Variants in NELL2 observed in about 807,000 individuals in gnomAD.
The protein encoded by NELL2 is neural EGFL like 2, also known as protein kinase C-binding protein NELL2.
A neutral mutation model predicts 109.6 loss-of-function variants in NELL2; 41 were observed. The observed-to-expected ratio is 0.37, with a 90% confidence interval of 0.29 to 0.49. NELL2 has a LOEUF of 0.49. Ranked by LOEUF, NELL2 falls within the 20% of genes least tolerant of loss-of-function variation. The probability of loss-of-function intolerance (pLI) is 0.98; values close to 1 mark genes in which losing one functional copy is unlikely to be tolerated. For synonymous variants in NELL2, 355 were observed against 344.7 expected, an observed-to-expected ratio of 1.03 and a Z score of -0.33; for missense variants, 900 against 1,008.3, an observed-to-expected ratio of 0.89 and a Z score of 1.45.
chr12:44,665,371 T>TA (rs1428805692), intron 13 of NELL2, 113 bp downstream of exon 13: 7 of 857,302 alleles, frequency 8.2e-6, no homozygotes, highest in Non-Finnish European at 1.2e-5. Context: ...ATGATTTTGC[T>TA]AATGTTTTGT....
At chr12:44,586,184 T>A (rs1944490307) in intron 15 of NELL2, among the ~76,000 whole-genome samples, 1 of 148,614 alleles carries the variant, frequency 6.7e-6, no homozygotes, top group African/African-American at 2.4e-5. Flanking sequence ...TATATGTATA[T>A]ATAGATATAT....
chr12:44,917,478 T>C (rs1017507732), upstream of NELL2, among the ~76,000 whole-genome samples: 2 of 152,238 alleles, frequency 1.3e-5, no homozygotes, highest in African/African-American at 4.8e-5. Context: ...AGTGCTATCA[T>C]GTCTTCCTGA....
chr12:44,708,161 C>A (rs1937991061), intron 11 of NELL2, among the ~76,000 whole-genome samples: 1 of 152,156 alleles, frequency 6.6e-6, no homozygotes, highest in Non-Finnish European at 1.5e-5. Flanking sequence ...CAGTCTCTGT[C>A]ATGTGGTAAT....
intron 2 of NELL2, among the ~76,000 whole-genome samples, chr12:44,820,120 C>T (rs1157836857): frequency 1.3e-5 from 2 of 152,152 alleles, no homozygotes; most frequent in Non-Finnish European, 1.5e-5. Flanking sequence ...TCACAGTTTT[C>T]GGTTCTCTGT....
intron 13 of NELL2, among the ~76,000 whole-genome samples, chr12:44,624,789 GTCTTCTAACTTGGTCTCTGCAT>G (rs1315545064): frequency 6.6e-6 from 1 of 150,882 alleles, no homozygotes; most frequent in Non-Finnish European, 1.5e-5. Flanking sequence ...CTGCTTCTCT[GTCTTCTAACTTGGTCTCTGCAT>G]TCTCCATCCT....
At chr12:44,835,460 C>T (rs567808006) in intron 2 of NELL2, among the ~76,000 whole-genome samples, 1 of 152,284 alleles carries the variant, frequency 6.6e-6, no homozygotes, top group East Asian at 1.9e-4. Context: ...GGCCAAGTGT[C>T]CACTCCAGAG....
intron 9 of NELL2, among the ~76,000 whole-genome samples, chr12:44,771,453 T>C (rs577311349): frequency 5.9e-5 from 9 of 152,304 alleles, no homozygotes; most frequent in Non-Finnish European, 8.8e-5. Flanking sequence ...ATTCTCCTTA[T>C]TAGGAAGATG....
In NELL2 at chr12:44,833,520, T is replaced by C. The variant is rs559635769; in HGVS notation, c.185-17384A>G. Among the ~76,000 whole-genome samples the C allele has an allele frequency of 4.6e-5, 7 of 152,124 alleles. No individual in the cohort carries two copies. In the East Asian group the frequency reaches 1.4e-3, roughly 29 times the overall value. ...TCTCCTTAAGGACAAAACTGTGTACTATACCTCTCTTCTACCCCAATAACT... is the reference window on the plus strand; with the variant it reads ...TCTCCTTAAGGACAAAACTGTGTACCATACCTCTCTTCTACCCCAATAACT... On this transcript the variant is annotated intron_variant, in intron 2 of 19. Transcript: ENST00000429094.
intron 9 of NELL2, among the ~76,000 whole-genome samples, chr12:44,758,001 ATT>A (rs902065684): frequency 6.6e-6 from 1 of 151,828 alleles, no homozygotes; most frequent in African/African-American, 2.4e-5. Flanking sequence ...GGTAGAACAT[ATT>A]TTGTTTCATC....
At chr12:44,725,130 A>C (rs908196388) in intron 9 of NELL2, among the ~76,000 whole-genome samples, 6 of 152,206 alleles carry the variant, frequency 3.9e-5, no homozygotes, top group Admixed American at 3.9e-4. Context: ...GGATGAATTA[A>C]AGACTTAAAT....
intron 9 of NELL2, among the ~76,000 whole-genome samples, chr12:44,772,268 G>A (rs1190469664): frequency 1.3e-5 from 2 of 152,066 alleles, no homozygotes; most frequent in African/African-American, 2.4e-5. Context: ...ATGCAATGGT[G>A]ATACACACAC....
chr12:44,576,507 C>T (rs1944090683), intron 15 of NELL2, among the ~76,000 whole-genome samples: 1 of 151,568 alleles, frequency 6.6e-6, no homozygotes, highest in Non-Finnish European at 1.5e-5. Flanking sequence ...GGGGAGACAT[C>T]TATCTTATGA....
At chr12:44,516,888 T>A (rs1412193552) in intron 19 of NELL2, among the ~76,000 whole-genome samples, 2 of 148,592 alleles carry the variant, frequency 1.3e-5, no homozygotes. Flanking sequence ...GTTTTTCTAG[T>A]ATGTAGTTGT....
At chr12:44,676,101 T>C (rs564868845) in intron 12 of NELL2, among the ~76,000 whole-genome samples, 3 of 152,284 alleles carry the variant, frequency 2.0e-5, no homozygotes, top group Non-Finnish European at 2.9e-5. Flanking sequence ...CAATAAAATC[T>C]TGAAGTCATG....
chr12:44,747,444 T>TATAATAATA (rs200256759), intron 9 of NELL2, among the ~76,000 whole-genome samples: 1 of 151,154 alleles, frequency 6.6e-6, no homozygotes, highest in African/African-American at 2.4e-5. Flanking sequence ...AAACTTCAAG[T>TATAATAATA]ATAATAATAA....
intron 3 of NELL2, among the ~76,000 whole-genome samples, chr12:44,807,642 A>T (rs1943047067): frequency 6.6e-6 from 1 of 152,036 alleles, no homozygotes; most frequent in African/African-American, 2.4e-5. Context: ...AGAAAAGGTT[A>T]AAAAAGTTTT....
rs376793167 is a variant in NELL2 at position 44,551,080 on chromosome 12, T to C, written c.1664-18359A>G. The stretch of plus-strand genomic sequence containing the variant: ...GGCAAAAGAAAACGTTGGGAGGTGA[T>C]GAATATGTTGATGGTACTGACAGTT... On this transcript the variant is annotated intron_variant, in intron 15 of 19. Coordinates refer to ENST00000429094, the MANE Select transcript of NELL2 (RefSeq NM_001145108.2). Among the ~76,000 whole-genome samples, 7 of 152,232 alleles carry C rather than the reference T, an allele frequency of 4.6e-5. No homozygotes were observed. In the South Asian group the frequency reaches 1.2e-3, roughly 27 times the overall value.
At chr12:44,553,906 T>C (rs915679567) in intron 15 of NELL2, among the ~76,000 whole-genome samples, 5 of 152,148 alleles carry the variant, frequency 3.3e-5, no homozygotes, top group Non-Finnish European at 7.4e-5. Flanking sequence ...CATCTGTGCA[T>C]TTAAGCTACT....
chr12:44,620,496 G>A (rs546082292), intron 13 of NELL2, among the ~76,000 whole-genome samples: 36 of 152,210 alleles, frequency 2.4e-4, no homozygotes, highest in African/African-American at 8.4e-4. Flanking sequence ...GTCTCTTCAA[G>A]TGCTTGCCCC....
Sources: gnomAD v4.1 joint callset for allele counts (sites outside exome capture counted in the v4.1 genomes callset) on GRCh38, gnomAD v4.1.1 for gene constraint, MANE v1.5 for transcripts, NCBI Gene and HGNC (gene_info 2026-07-23, HGNC 2026-07-21) for gene names.